CXCL13: variants seen among roughly 807,000 people sequenced by gnomAD.
CXCL13 encodes C-X-C motif chemokine 13.
In CXCL13, 7 loss-of-function variants were observed where a neutral mutation model predicts 12.2. That is an observed-to-expected ratio of 0.57 (90% CI 0.33 to 1.07). CXCL13 has a LOEUF of 1.07. CXCL13 is among the 50% of genes least tolerant of loss of function. CXCL13 has a pLI of 0.04. For missense variants in CXCL13, 113 were observed against 127.4 expected (o/e 0.89, Z 0.55); for synonymous variants, 47 against 42.4 (o/e 1.11, Z -0.42).
intron 1 of CXCL13, among the ~76,000 whole-genome samples, chr4:77,523,721 A>G (rs777396545): frequency 2.6e-5 from 4 of 152,222 alleles, no homozygotes; most frequent in African/African-American, 7.2e-5. Flanking sequence ...TCAACTCATC[A>G]AAGTCATTCT....
At chr4:77,522,173 G>C (rs1300697493) in intron 1 of CXCL13, among the ~76,000 whole-genome samples, 1 of 152,158 alleles carries the variant, frequency 6.6e-6, no homozygotes, top group Non-Finnish European at 1.5e-5. Context: ...GTGCTGAGAA[G>C]AAAGTGTTTT....
At chr4:77,567,188 T>C (rs1725960320) in intron 1 of CXCL13, among the ~76,000 whole-genome samples, 1 of 152,112 alleles carries the variant, frequency 6.6e-6, no homozygotes, top group African/African-American at 2.4e-5. Flanking sequence ...ATCCACCCCC[T>C]GCCCACAAAA....
At chr4:77,535,767 G>A (rs1725044140) in intron 1 of CXCL13, among the ~76,000 whole-genome samples, 1 of 152,048 alleles carries the variant, frequency 6.6e-6, no homozygotes, top group Non-Finnish European at 1.5e-5. Flanking sequence ...CAAATAACTA[G>A]ATCAGCTGAT....
chr4:77,544,643 T>G (rs1442274383), intron 1 of CXCL13, among the ~76,000 whole-genome samples: 1 of 152,216 alleles, frequency 6.6e-6, no homozygotes, highest in Non-Finnish European at 1.5e-5. Flanking sequence ...ATTCTGGATA[T>G]TAGCCCTTTG....
At chr4:77,573,361 T>TG (rs1375789726) in intron 1 of CXCL13, among the ~76,000 whole-genome samples, 3 of 129,706 alleles carry the variant, frequency 2.3e-5, no homozygotes, top group South Asian at 2.7e-4. Context: ...TATTGGGTCT[T>TG]TTGTGTGTGT....
chr4:77,531,201 G>C (rs1298916252), intron 1 of CXCL13, among the ~76,000 whole-genome samples: 1 of 149,900 alleles, frequency 6.7e-6, no homozygotes, highest in Non-Finnish European at 1.5e-5. Context: ...GTATACATGT[G>C]CCAAGTTGGT....
intron 1 of CXCL13, among the ~76,000 whole-genome samples, chr4:77,555,130 C>A (rs561171356): frequency 3.5e-4 from 53 of 151,394 alleles, no homozygotes; most frequent in Non-Finnish European, 4.9e-4. Flanking sequence ...AGGAAAAAAA[C>A]CAATGAAACC....
At chr4:77,597,244 T>A (rs1289455148) in intron 1 of CXCL13, among the ~76,000 whole-genome samples, 1 of 152,196 alleles carries the variant, frequency 6.6e-6, no homozygotes, top group South Asian at 2.1e-4. Flanking sequence ...ATTATTAGAT[T>A]GAAGCTCTGT....
intron 1 of CXCL13, among the ~76,000 whole-genome samples, chr4:77,548,551 A>G (rs570338582): frequency 6.6e-6 from 1 of 152,346 alleles, no homozygotes; most frequent in African/African-American, 2.4e-5. Flanking sequence ...GATTTTGGTC[A>G]TTTATAATTA....
chr4:77,545,889 A>G (rs1216526445), intron 1 of CXCL13, among the ~76,000 whole-genome samples: 1 of 152,214 alleles, frequency 6.6e-6, no homozygotes, highest in Non-Finnish European at 1.5e-5. Flanking sequence ...TGCATTTGTC[A>G]TAAATACCTC....
intron 1 of CXCL13, among the ~76,000 whole-genome samples, chr4:77,581,488 G>C (rs1726332820): frequency 6.6e-6 from 1 of 152,100 alleles, no homozygotes; most frequent in African/African-American, 2.4e-5. Flanking sequence ...GGGGAGAAGT[G>C]CCTGGCTCAA....
At chr4:77,523,274 A>G (rs1478285561) in intron 1 of CXCL13, among the ~76,000 whole-genome samples, 1 of 152,192 alleles carries the variant, frequency 6.6e-6, no homozygotes, top group Non-Finnish European at 1.5e-5. Flanking sequence ...ATGTTGGGGA[A>G]GTTCTCCTGG....
chr4:77,541,003 T>C (rs1341887774), intron 1 of CXCL13, among the ~76,000 whole-genome samples: 2 of 152,088 alleles, frequency 1.3e-5, no homozygotes, highest in East Asian at 1.9e-4. Context: ...TCTCTGATGA[T>C]GTGATGTTGA....
At chr4:77,609,361 G>T (rs1002172007) in intron 2 of CXCL13, among the ~76,000 whole-genome samples, 2 of 151,904 alleles carry the variant, frequency 1.3e-5, no homozygotes, top group Admixed American at 1.3e-4. Context: ...TGCCCAGGCT[G>T]GAGTGCAGTG....
intron 1 of CXCL13, among the ~76,000 whole-genome samples, chr4:77,553,881 A>C (rs1404485131): frequency 6.6e-6 from 1 of 152,192 alleles, no homozygotes; most frequent in Non-Finnish European, 1.5e-5. Flanking sequence ...TCTAGTGTAC[A>C]ATGTAAGGAC....
At chr4:77,530,545 T>C (rs1318781282) in intron 1 of CXCL13, among the ~76,000 whole-genome samples, 1 of 152,204 alleles carries the variant, frequency 6.6e-6, no homozygotes, top group East Asian at 1.9e-4. Context: ...TCGTCTAGAT[T>C]TTCTAGTTTA....
chr4:77,580,948 T>A (rs577697577), intron 1 of CXCL13, among the ~76,000 whole-genome samples: 1 of 149,240 alleles, frequency 6.7e-6, no homozygotes, highest in East Asian at 1.9e-4. Context: ...CTTCTTTACT[T>A]GAAAACAAAA....
intron 1 of CXCL13, among the ~76,000 whole-genome samples, chr4:77,568,068 AC>A (rs1725979597): frequency 6.6e-6 from 1 of 152,102 alleles, no homozygotes; most frequent in Non-Finnish European, 1.5e-5. Flanking sequence ...CCCAGGCTGA[AC>A]CCCAATTCTG....
intron 1 of CXCL13, among the ~76,000 whole-genome samples, chr4:77,562,604 C>A (rs1725840765): frequency 7.0e-6 from 1 of 142,550 alleles, no homozygotes; most frequent in Admixed American, 6.7e-5. Flanking sequence ...GTGTCTAGCT[C>A]AAGGTTTGTA....
Sources: allele counts gnomAD v4.1 joint callset (sites outside exome capture counted in the v4.1 genomes callset), GRCh38; gene constraint gnomAD v4.1.1; transcripts MANE v1.5; gene names NCBI Gene and HGNC (gene_info 2026-07-23, HGNC 2026-07-21).